Variants in PCCA observed in about 807,000 individuals in gnomAD.
PCCA encodes the protein propionyl-CoA carboxylase subunit alpha.
PCCA carries 74 observed loss-of-function variants against 101.3 expected under a neutral mutation model. The ratio of observed to expected loss-of-function variants is 0.73; its 90% confidence interval spans 0.61 to 0.89. The LOEUF (loss-of-function observed/expected upper bound fraction) is 0.89. Ranked by LOEUF, PCCA falls within the 40% of genes least tolerant of loss-of-function variation. PCCA has a pLI of 0.00. For missense variants in PCCA, 891 were observed against 907.0 expected (o/e 0.98, Z 0.23); for synonymous variants, 294 against 313.6 (o/e 0.94, Z 0.66).
intron 21 of PCCA, among the ~76,000 whole-genome samples, chr13:100,468,937 C>T (rs2082746276): frequency 6.6e-6 from 1 of 151,964 alleles, no homozygotes; most frequent in African/African-American, 2.4e-5. Context: ...TTTGACTGGG[C>T]GCGGTGGTTC....
intron 20 of PCCA, among the ~76,000 whole-genome samples, chr13:100,427,388 AT>A (rs2079227368): frequency 6.6e-6 from 1 of 152,164 alleles, no homozygotes; most frequent in African/African-American, 2.4e-5. Context: ...TATTATGCAA[AT>A]TTTTTGTATT....
chr13:100,335,854 A>G (rs952803847), intron 17 of PCCA, among the ~76,000 whole-genome samples: 1 of 152,222 alleles, frequency 6.6e-6, no homozygotes, highest in Non-Finnish European at 1.5e-5. Flanking sequence ...ATTCCCCAAC[A>G]AAACAGTCCA....
chr13:100,457,507 C>T (rs2081833203), intron 21 of PCCA, among the ~76,000 whole-genome samples: 1 of 152,170 alleles, frequency 6.6e-6, no homozygotes, highest in Non-Finnish European at 1.5e-5. Context: ...TGTCTTTGTA[C>T]CATTTCCCTG....
chr13:100,095,261 A>T (rs1402219782), intron 1 of PCCA, among the ~76,000 whole-genome samples: 1 of 152,034 alleles, frequency 6.6e-6, no homozygotes, highest in Non-Finnish European at 1.5e-5. Flanking sequence ...TCATCTCAAG[A>T]TCCTTCACTT....
intron 8 of PCCA, among the ~76,000 whole-genome samples, chr13:100,244,162 G>A (rs991371378): frequency 9.9e-5 from 15 of 152,164 alleles, no homozygotes; most frequent in African/African-American, 2.6e-4. Context: ...ATTGAATAAC[G>A]CCTAAGGAAA....
At chr13:100,343,918 T>C (rs1381362791) in intron 18 of PCCA, among the ~76,000 whole-genome samples, 2 of 151,968 alleles carry the variant, frequency 1.3e-5, no homozygotes, top group Non-Finnish European at 2.9e-5. Flanking sequence ...GTACTAAAAA[T>C]ACAAAAATTA....
Position 100,399,015 on chromosome 13 carries a change from G to A in PCCA, c.1747-26618G>A, listed in dbSNP as rs573991702. 5.9e-5 allele frequency among the ~76,000 whole-genome samples: 9 copies of A among 152,054 alleles called. 1 individual carries two copies. In the South Asian group the frequency reaches 6.2e-4, roughly 11 times the overall value. On this transcript the variant is annotated intron_variant, in intron 19 of 23. Transcript: ENST00000376285. The stretch of plus-strand genomic sequence containing the variant: ...TTAACATAAAAAAGATGAAATAGAC[G>A]CATTGGTTAATTTGAAGAAATACAA...
Position 100,302,997 on chromosome 13 carries a change from G to A in PCCA, c.1283G>A (p.Gly428Asp), listed in dbSNP as rs1186130928. ...SQYQEPLHLPGVRVDSGIQPG... is the reference protein window; with the variant it reads ...SQYQEPLHLPDVRVDSGIQPG... ...TACCAAGAACCGTTACATCTACCTG[G>A]TGTAAGTCATTAAGCTGTAATACCA... The change falls in exon 14 of 24, where the codon GGT becomes GAT. Residue 428 changes from glycine to aspartate, a missense_variant and splice_region_variant. Physicochemically the swap from Gly to Asp is moderately conservative, Grantham distance 94. Coordinates refer to ENST00000376285, the MANE Select transcript of PCCA (RefSeq NM_000282.4). 6.4e-7 allele frequency: 1 copy of A among 1,550,692 alleles called. No individual in the cohort carries two copies. Among genetic ancestry groups the A allele is most frequent in the Non-Finnish European group, 8.9e-7 (1 of 1,122,416 alleles).
chr13:100,252,066 T>C (rs529636186), intron 8 of PCCA, among the ~76,000 whole-genome samples: 196 of 152,262 alleles, frequency 1.3e-3, no homozygotes, highest in South Asian at 5.2e-3. Flanking sequence ...AACAAAGCAA[T>C]GCGTACTATC....
intron 19 of PCCA, among the ~76,000 whole-genome samples, chr13:100,416,981 T>C (rs1176551193): frequency 1.3e-5 from 2 of 151,980 alleles, no homozygotes; most frequent in East Asian, 3.9e-4. Flanking sequence ...GTAGCTGGGA[T>C]TACAGGCATG....
intron 21 of PCCA, among the ~76,000 whole-genome samples, chr13:100,461,408 A>C (rs998269366): frequency 6.6e-6 from 1 of 152,242 alleles, no homozygotes; most frequent in African/African-American, 2.4e-5. Flanking sequence ...CATTTGTTTG[A>C]AATTTAACTA....
At chr13:100,459,069 C>G (rs2390467) in intron 21 of PCCA, among the ~76,000 whole-genome samples, 35,033 of 151,944 alleles carry the variant, frequency 0.23, 4,949 homozygotes, top group East Asian at 0.55. Context: ...CCTGGCAGTC[C>G]TTGCCTTCCT....
chr13:100,488,385 G>A (rs1339573996), intron 21 of PCCA, among the ~76,000 whole-genome samples: 1 of 152,094 alleles, frequency 6.6e-6, no homozygotes, highest in Admixed American at 6.5e-5. Flanking sequence ...TGAGCCGGCC[G>A]ACCCTATATA....
chr13:100,510,001 A>G (rs904913514), intron 21 of PCCA, among the ~76,000 whole-genome samples: 1 of 152,212 alleles, frequency 6.6e-6, no homozygotes. Context: ...AGCTCTGACT[A>G]TTGAAAACTA....
intron 22 of PCCA, chr13:100,527,404 G>A (rs1594159004): frequency 1.8e-6 from 1 of 548,368 alleles, no homozygotes; most frequent in East Asian, 4.4e-5. Context: ...CAGACTCAGA[G>A]ATCCCCAGGG....
chr13:100,297,610 T>C (rs1195712047), intron 12 of PCCA, among the ~76,000 whole-genome samples: 1 of 152,192 alleles, frequency 6.6e-6, no homozygotes, highest in African/African-American at 2.4e-5. Flanking sequence ...GACACGATGC[T>C]AATAGTGACA....
chr13:100,232,960 A>T (rs1046133820), intron 7 of PCCA, among the ~76,000 whole-genome samples: 2 of 152,224 alleles, frequency 1.3e-5, no homozygotes, highest in African/African-American at 4.8e-5. Context: ...GATCAACTGC[A>T]TTCTTTTTAA....
At chr13:100,379,965 G>T (rs1490039471) in intron 19 of PCCA, among the ~76,000 whole-genome samples, 1 of 152,026 alleles carries the variant, frequency 6.6e-6, no homozygotes, top group Non-Finnish European at 1.5e-5. Flanking sequence ...ATCAGAAATT[G>T]ACAAGCTGAT....
chr13:100,474,798 A>G (rs188067215), intron 21 of PCCA, among the ~76,000 whole-genome samples: 16 of 152,234 alleles, frequency 1.1e-4, no homozygotes, highest in Admixed American at 7.8e-4. Flanking sequence ...TCCATTTTGC[A>G]GGCCAGAATT....
Sources: gnomAD v4.1 joint callset for allele counts (sites outside exome capture counted in the v4.1 genomes callset) on GRCh38, gnomAD v4.1.1 for gene constraint, MANE v1.5 for transcripts, NCBI Gene and HGNC (gene_info 2026-07-23, HGNC 2026-07-21) for gene names.